FARS2: variants seen among roughly 807,000 people sequenced by gnomAD.
FARS2 encodes the protein phenylalanine--tRNA ligase, mitochondrial.
A neutral mutation model predicts 46.4 loss-of-function variants in FARS2; 40 were observed. The ratio of observed to expected loss-of-function variants is 0.86; its 90% CI spans 0.67 to 1.12. The LOEUF is 1.12. Among genes scored for constraint, FARS2 ranks in the 50% most tolerant of loss-of-function variants. The probability of loss-of-function intolerance (pLI) is 0.00; values close to 1 mark genes in which losing one functional copy is unlikely to be tolerated. For missense variants in FARS2, 513 were observed against 567.9 expected (o/e 0.90, Z 0.98); for synonymous variants, 234 against 214.9 (o/e 1.09, Z -0.78).
chr6:5,631,089 C>G (rs916308463), intron 6 of FARS2, among the ~76,000 whole-genome samples: 1 of 152,140 alleles, frequency 6.6e-6, no homozygotes, highest in African/African-American at 2.4e-5. Flanking sequence ...TTGACCTCCA[C>G]TCACCTCACA....
chr6:5,414,404 C>T (rs1762102222), intron 3 of FARS2, among the ~76,000 whole-genome samples: 1 of 152,196 alleles, frequency 6.6e-6, no homozygotes, highest in Non-Finnish European at 1.5e-5. Context: ...CCCTCTACCA[C>T]CTCTTCTGCC....
chr6:5,443,079 A>G (rs949439354), intron 4 of FARS2, among the ~76,000 whole-genome samples: 1 of 152,224 alleles, frequency 6.6e-6, no homozygotes, highest in Non-Finnish European at 1.5e-5. Context: ...CTTGCCAGAT[A>G]TATAAAGCAC....
intron 1 of FARS2, among the ~76,000 whole-genome samples, chr6:5,367,101 C>G (rs1758732145): frequency 6.6e-6 from 1 of 152,246 alleles, no homozygotes; most frequent in Admixed American, 6.5e-5. Context: ...AGCAATCACA[C>G]ACAAGCACAG....
chr6:5,451,575 G>T (rs1402667250), intron 4 of FARS2: 1 of 152,054 alleles, frequency 6.6e-6, no homozygotes, highest in Non-Finnish European at 1.5e-5. Flanking sequence ...GGTTACAGGG[G>T]ACATTGGGGA....
At chr6:5,712,120 A>T (rs1368665660) in intron 6 of FARS2, among the ~76,000 whole-genome samples, 4 of 152,200 alleles carry the variant, frequency 2.6e-5, no homozygotes, top group African/African-American at 9.7e-5. Context: ...TTTAAATATT[A>T]AAAAAATACC....
chr6:5,717,978 G>T (rs1322782875), intron 6 of FARS2, among the ~76,000 whole-genome samples: 18 of 142,746 alleles, frequency 1.3e-4, no homozygotes, highest in Non-Finnish European at 2.3e-4. Context: ...ACAGTGGCGT[G>T]ATCTCTGCTC....
intron 6 of FARS2, among the ~76,000 whole-genome samples, chr6:5,631,752 G>C (rs927678195): frequency 2.0e-5 from 3 of 152,186 alleles, no homozygotes; most frequent in African/African-American, 4.8e-5. Context: ...TATACTGCTT[G>C]ACTATTTTAA....
intron 6 of FARS2, among the ~76,000 whole-genome samples, chr6:5,693,955 C>T (rs919126987): frequency 6.6e-6 from 1 of 152,202 alleles, no homozygotes; most frequent in Non-Finnish European, 1.5e-5. Flanking sequence ...TTCCACCGCC[C>T]TCTACTAGCG....
At chr6:5,450,606 A>G (rs1158652822) in intron 4 of FARS2, among the ~76,000 whole-genome samples, 1 of 152,046 alleles carries the variant, frequency 6.6e-6, no homozygotes, top group Non-Finnish European at 1.5e-5. Flanking sequence ...ATGTTTTTCA[A>G]CCATTTAAAA....
At chr6:5,614,166 T>A (rs1291800523) in intron 6 of FARS2, among the ~76,000 whole-genome samples, 2 of 152,164 alleles carry the variant, frequency 1.3e-5, no homozygotes. Context: ...TGGGAAGCTA[T>A]AGAAGGATAG....
chr6:5,656,691 C>T (rs549319301), intron 6 of FARS2, among the ~76,000 whole-genome samples: 3 of 152,266 alleles, frequency 2.0e-5, no homozygotes, highest in South Asian at 4.1e-4. Context: ...GCTGGGACTA[C>T]AGGCGCATAC....
intron 3 of FARS2, among the ~76,000 whole-genome samples, chr6:5,418,148 C>T (rs533994971): frequency 3.3e-5 from 5 of 152,270 alleles, no homozygotes; most frequent in African/African-American, 1.2e-4. Flanking sequence ...TATTTTAACA[C>T]ATTTTTTCCT....
At chr6:5,596,740 A>G (rs1279343209) in intron 5 of FARS2, among the ~76,000 whole-genome samples, 1 of 152,210 alleles carries the variant, frequency 6.6e-6, no homozygotes, top group Non-Finnish European at 1.5e-5. Flanking sequence ...GATGTGAGAT[A>G]CCCTGCAAGT....
chr6:5,753,614 C>A lies in FARS2; in HGVS notation c.1218-17677C>A, dbSNP rs921952440. Among the ~76,000 whole-genome samples the A allele has an allele frequency of 2.6e-5, 4 of 152,288 alleles. No homozygotes were observed. In the South Asian group the frequency reaches 8.3e-4, roughly 32 times the overall value. ...TGTAACATGCATAGACATTTCATGC[C>A]TTTGTCCTATCTGTTGAAAAGGGAA... On this transcript the variant is annotated intron_variant, in intron 6 of 6. Transcript: ENST00000274680.
chr6:5,556,247 G>C (rs1237447933), intron 5 of FARS2, among the ~76,000 whole-genome samples: 1 of 152,082 alleles, frequency 6.6e-6, no homozygotes, highest in Non-Finnish European at 1.5e-5. Flanking sequence ...ACCTTTCATA[G>C]GATAACTGGA....
In FARS2 at chr6:5,404,633, C is replaced by T. The variant is rs763234952; in HGVS notation, c.704C>T (p.Ala235Val). Residue 235 changes from alanine (A) to valine (V), a missense_variant, in exon 3 of 7, where the codon GCC becomes GTC. Transcript: ENST00000274680. ...AHKQETHTME[A>V]VKLVEFDLKQ... is the part of the protein sequence containing the mutation. ...AAACAAGAGACACACACCATGGAGG[C>T]CGTGAAGCTTGTAGAGTTTGATCTT... The T allele has an allele frequency of 1.6e-5, 26 of 1,612,954 alleles. No individual in the cohort carries two copies. The Middle Eastern group carries it at 5.0e-4, about 31-fold the overall frequency.
At chr6:5,358,791 A>G (rs967798838) in intron 1 of FARS2, among the ~76,000 whole-genome samples, 3 of 152,132 alleles carry the variant, frequency 2.0e-5, no homozygotes, top group African/African-American at 7.2e-5. Flanking sequence ...GACTTAGGAC[A>G]GCAAAACGGA....
chr6:5,622,679 C>T (rs945870298), intron 6 of FARS2, among the ~76,000 whole-genome samples: 3 of 152,208 alleles, frequency 2.0e-5, no homozygotes, highest in African/African-American at 7.2e-5. Flanking sequence ...GAGGAGCCAA[C>T]TATGAAGTGG....
At chr6:5,466,067 C>A (rs1438484111) in intron 4 of FARS2, among the ~76,000 whole-genome samples, 4 of 152,164 alleles carry the variant, frequency 2.6e-5, no homozygotes, top group African/African-American at 9.7e-5. Flanking sequence ...TCATTTCTTA[C>A]ACACAACACC....
Sources: allele counts gnomAD v4.1 joint callset (sites outside exome capture counted in the v4.1 genomes callset), GRCh38; gene constraint gnomAD v4.1.1; transcripts MANE v1.5; gene names NCBI Gene and HGNC (gene_info 2026-07-23, HGNC 2026-07-21).